HIVEP3: variants seen among roughly 807,000 people sequenced by gnomAD.
HIVEP3 encodes the protein HIVEP zinc finger 3.
Under a neutral mutation model 152.8 loss-of-function variants are expected in HIVEP3, and 49 were observed. The observed-to-expected ratio is 0.32, with a 90% confidence interval of 0.26 to 0.41. HIVEP3 has a LOEUF of 0.41. HIVEP3 is among the 10% of genes least tolerant of loss of function. The pLI, the probability that HIVEP3 is intolerant of heterozygous loss-of-function variation, is 1.00. For missense variants in HIVEP3, 2,790 were observed against 3,103.3 expected (o/e 0.90, Z 2.40); for synonymous variants, 1,269 against 1,289.0 (o/e 0.98, Z 0.33).
At chr1:41,627,222 C>T (rs1645130255) in intron 3 of HIVEP3, among the ~76,000 whole-genome samples, 1 of 152,214 alleles carries the variant, frequency 6.6e-6, no homozygotes, top group African/African-American at 2.4e-5. Context: ...GTTAACGTGG[C>T]TGGCAACATT....
At chr1:41,579,628 C>T (rs997895290) in intron 4 of HIVEP3, 109 bp downstream of exon 4, 6 of 1,292,280 alleles carry the variant, frequency 4.6e-6, no homozygotes, top group Non-Finnish European at 6.4e-6. Flanking sequence ...AATCTGACTA[C>T]TAGTCTGGCT....
chr1:41,789,092 C>T (rs866528319), intron 1 of HIVEP3, among the ~76,000 whole-genome samples: 9 of 152,232 alleles, frequency 5.9e-5, no homozygotes, highest in East Asian at 1.9e-4. Flanking sequence ...CCTTGGACAC[C>T]GCTGTCTTCC....
chr1:41,685,614 A>C (rs947704398), intron 2 of HIVEP3, among the ~76,000 whole-genome samples: 1 of 152,170 alleles, frequency 6.6e-6, no homozygotes, highest in Non-Finnish European at 1.5e-5. Flanking sequence ...TCTCTCATGA[A>C]CCCAGGTCCC....
chr1:41,566,377 C>G (rs1018502926), intron 5 of HIVEP3, among the ~76,000 whole-genome samples: 3 of 152,154 alleles, frequency 2.0e-5, no homozygotes, highest in African/African-American at 7.2e-5. Context: ...CATCAATGCC[C>G]CTGCAGGTCC....
intron 6 of HIVEP3, among the ~76,000 whole-genome samples, chr1:41,521,407 C>T (rs983260946): frequency 5.3e-5 from 8 of 152,230 alleles, no homozygotes; most frequent in African/African-American, 1.9e-4. Flanking sequence ...GCCCCCGCCA[C>T]GGGGGTGCAG....
intron 1 of HIVEP3, among the ~76,000 whole-genome samples, chr1:41,852,979 G>C (rs186451199): frequency 3.3e-5 from 5 of 152,260 alleles, no homozygotes; most frequent in Non-Finnish European, 7.4e-5. Flanking sequence ...ACACAGTCTG[G>C]GTGGGAACAG....
intron 1 of HIVEP3, among the ~76,000 whole-genome samples, chr1:41,821,617 C>G (rs1006062467): frequency 6.6e-6 from 1 of 152,174 alleles, no homozygotes; most frequent in African/African-American, 2.4e-5. Context: ...TCACAAAATC[C>G]TCTCTTCAAA....
At position 41,581,870 on chromosome 1, in the gene HIVEP3, C is replaced by T; in HGVS notation, c.2928G>A (p.Leu976=). The T allele has an allele frequency of 6.2e-6, 10 of 1,610,078 alleles. No homozygotes were observed. The highest frequency in any genetic ancestry group is 7.6e-6 in the Non-Finnish European group (9 of 1,177,582). Residue 976 remains leucine, a synonymous_variant, in exon 4 of 9, where the codon TTG becomes TTA. Coordinates refer to ENST00000372583, the MANE Select transcript of HIVEP3 (RefSeq NM_024503.5). This position sits in a 1 kb window ranked among gnomAD's most constrained non-coding sequence, Gnocchi z 4.5. The part of the protein sequence containing the change: ...MRPKPLGTHM[L]TVPSHHPHAR... ...CATGTGGGTGGTGGCTGGGGACAGT[C>T]AACATGTGGGTGCCCAGGGGTTTGG... is the stretch of plus-strand genomic sequence containing the variant.
intron 6 of HIVEP3, among the ~76,000 whole-genome samples, 176 bp from the exon 7 acceptor site, chr1:41,518,664 C>G (rs752492843): frequency 1.3e-5 from 2 of 152,116 alleles, no homozygotes; most frequent in Non-Finnish European, 2.9e-5. Context: ...TGCTCAGGCC[C>G]AGAAGTGTAG....
intron 1 of HIVEP3, among the ~76,000 whole-genome samples, chr1:41,933,376 T>C (rs1177390252): frequency 2.0e-5 from 3 of 152,136 alleles, no homozygotes. Flanking sequence ...AGCATTGTTA[T>C]GTCTTCTTGG....
chr1:41,588,411 A>C lies in HIVEP3; in HGVS notation c.-521-3093T>G, dbSNP rs1644536975. On this transcript the variant is annotated intron_variant, in intron 3 of 8. Coordinates refer to ENST00000372583, the MANE Select transcript of HIVEP3 (RefSeq NM_024503.5). ...CTGAGTGGGGGTCAGCTGGCCAGGC[A>C]GGACTCTACATTGCTTAGTCCTGCC... 2.0e-5 allele frequency among the ~76,000 whole-genome samples: 3 copies of C among 152,146 alleles called. No homozygotes were observed. In the South Asian group the frequency reaches 6.2e-4, roughly 32 times the overall value.
At chr1:41,986,985 T>A (rs1056317463) in intron 1 of HIVEP3, among the ~76,000 whole-genome samples, 1 of 152,212 alleles carries the variant, frequency 6.6e-6, no homozygotes, top group African/African-American at 2.4e-5. Context: ...TCGACAAATA[T>A]CTGTATACTG....
chr1:41,817,609 A>T (rs1320289760), intron 1 of HIVEP3, among the ~76,000 whole-genome samples: 1 of 152,298 alleles, frequency 6.6e-6, no homozygotes. Context: ...CTGTGGTTCA[A>T]TGCTCCATTT....
chr1:41,662,578 G>A lies in HIVEP3; in HGVS notation c.-720-33631C>T, dbSNP rs1645733764. On this transcript the variant is annotated intron_variant, in intron 2 of 8. Transcript: ENST00000372583. This position sits in a 1 kb window ranked among gnomAD's most constrained non-coding sequence, Gnocchi z 7.2. The stretch of plus-strand genomic sequence containing the variant: ...CGCGGCCGGGGTCGCAGATGGGCCC[G>A]GGCGCGGCTGGCGGCTGCCAGGGGA... 6.6e-6 allele frequency among the ~76,000 whole-genome samples: 1 copy of A among 151,082 alleles called. No homozygotes were observed. The highest frequency in any genetic ancestry group is 6.6e-5 in the Admixed American group (1 of 15,228).
intron 1 of HIVEP3, among the ~76,000 whole-genome samples, chr1:41,752,911 G>A (rs778227111): frequency 2.6e-5 from 4 of 152,240 alleles, no homozygotes; most frequent in Non-Finnish European, 4.4e-5. Flanking sequence ...TTAGGCTCAG[G>A]GAAAGATCCA....
Position 41,580,558 on chromosome 1 carries a change from T to A in HIVEP3, c.4240A>T (p.Ser1414Cys), listed in dbSNP as rs781640270. 5 of 1,614,080 alleles carry A rather than the reference T, an allele frequency of 3.1e-6. No individual in the cohort carries two copies. Among genetic ancestry groups the A allele is most frequent in the Non-Finnish European group, 4.2e-6 (5 of 1,180,048 alleles). ...GAACTCCCCTCCAGGCTCAAGATAC[T>A]CTCTGATGACAGGGAAGTGCCTTTT... ...ERKGTSLSSE[S>C]ILSLEGSSST... Residue 1414 changes from serine (S) to cysteine (C), a missense_variant, in exon 4 of 9, where the codon AGT becomes TGT. By Grantham distance (112) the Ser-to-Cys change is moderately radical. This residue lies in a region of HIVEP3 where 1,078 missense variants were observed against 1,165.3 expected (regional missense o/e 0.93). Coordinates refer to ENST00000372583, the MANE Select transcript of HIVEP3 (RefSeq NM_024503.5).
intron 1 of HIVEP3, among the ~76,000 whole-genome samples, chr1:42,026,916 T>A (rs918291049): frequency 6.6e-5 from 10 of 152,240 alleles, no homozygotes; most frequent in African/African-American, 2.4e-4. Flanking sequence ...CAAGATCTAC[T>A]ATCTCTGGGC....
intron 1 of HIVEP3, among the ~76,000 whole-genome samples, chr1:41,992,759 C>G (rs1444360066): frequency 2.1e-5 from 3 of 140,362 alleles, no homozygotes; most frequent in African/African-American, 8.3e-5. Context: ...TACTACAAGG[C>G]TACAGTAACC....
At chr1:41,624,047 A>G (rs1402177458) in intron 3 of HIVEP3, among the ~76,000 whole-genome samples, 8 of 152,196 alleles carry the variant, frequency 5.3e-5, no homozygotes, top group Non-Finnish European at 1.2e-4. Context: ...AACAACTGCT[A>G]GGAGACTTCC....
Sources: allele counts gnomAD v4.1 joint callset (sites outside exome capture counted in the v4.1 genomes callset), GRCh38; gene constraint gnomAD v4.1.1; regional missense constraint gnomAD v4.1.1; non-coding constraint Gnocchi (gnomAD v3.1); transcripts MANE v1.5; gene names NCBI Gene and HGNC (gene_info 2026-07-23, HGNC 2026-07-21).